The following PLXDC2 variants were observed in gnomAD, a reference collection of about 807,000 sequenced individuals.
PLXDC2 encodes plexin domain-containing protein 2.
Under a neutral mutation model 68.9 loss-of-function variants are expected in PLXDC2, and 40 were observed. The observed-to-expected ratio is 0.58, with a 90% CI of 0.45 to 0.76. The LOEUF (loss-of-function observed/expected upper bound fraction) is 0.76, where lower values mean the gene tolerates loss of function less well. PLXDC2 is among the 30% of genes least tolerant of loss of function. PLXDC2 has a pLI of 0.00. For missense variants in PLXDC2, 644 were observed against 661.9 expected (o/e 0.97, Z 0.30); for synonymous variants, 243 against 234.2 (o/e 1.04, Z -0.34).
At chr10:19,866,113 A>G (rs1837410946) in intron 1 of PLXDC2, among the ~76,000 whole-genome samples, 1 of 152,224 alleles carries the variant, frequency 6.6e-6, no homozygotes, top group Non-Finnish European at 1.5e-5. Context: ...GATTGAAAAC[A>G]AAGGAAATTA....
intron 1 of PLXDC2, among the ~76,000 whole-genome samples, chr10:19,921,131 C>T (rs7083520): frequency 0.73 from 106,147 of 145,632 alleles, 38,696 homozygotes; most frequent in African/African-American, 0.78. Context: ...TTTTTTTTGT[C>T]GCCCAGGGTG....
intron 1 of PLXDC2, among the ~76,000 whole-genome samples, chr10:19,933,730 A>C (rs1267242156): frequency 1.3e-5 from 2 of 151,906 alleles, no homozygotes; most frequent in Non-Finnish European, 2.9e-5. Context: ...AAAGGAAAAG[A>C]TAAGTTCTTT....
chr10:20,267,639 A>G lies in PLXDC2; in HGVS notation c.1474-12064A>G, dbSNP rs79535940. Among the ~76,000 whole-genome samples, 1,386 of 152,236 alleles carry G rather than the reference A, an allele frequency of 9.1e-3. 23 individuals carry two copies. The highest frequency in any genetic ancestry group is 0.032 in the African/African-American group (1,324 of 41,550). ...AGGGATTCCTTTATTTCCCACTCCT[A>G]CACAATTTTCTTGAGCTATTGTTAA... On this transcript the variant is annotated intron_variant, in intron 13 of 13. Coordinates refer to ENST00000377252, the MANE Select transcript of PLXDC2 (RefSeq NM_032812.9).
intron 3 of PLXDC2, among the ~76,000 whole-genome samples, chr10:20,057,970 T>A (rs1449844739): frequency 6.6e-6 from 1 of 152,134 alleles, no homozygotes; most frequent in Non-Finnish European, 1.5e-5. Context: ...TTGTAACTAT[T>A]CTTTCATTTG....
At chr10:20,174,270 A>C (rs1376852194) in intron 7 of PLXDC2, among the ~76,000 whole-genome samples, 1 of 151,914 alleles carries the variant, frequency 6.6e-6, no homozygotes, top group Non-Finnish European at 1.5e-5. Flanking sequence ...ATTTAGACAC[A>C]GACAGAAGAT....
At chr10:19,835,713 G>C (rs1836777362) in intron 1 of PLXDC2, among the ~76,000 whole-genome samples, 1 of 152,194 alleles carries the variant, frequency 6.6e-6, no homozygotes, top group South Asian at 2.1e-4. Flanking sequence ...GAGCCACCTA[G>C]AGTGAGAGGC....
intron 9 of PLXDC2, among the ~76,000 whole-genome samples, chr10:20,183,250 T>A (rs1834632103): frequency 6.6e-6 from 1 of 151,934 alleles, no homozygotes; most frequent in Non-Finnish European, 1.5e-5. Flanking sequence ...ATCATTATCA[T>A]ATAGATAGTG....
At chr10:20,057,200 G>T (rs1442979895) in intron 3 of PLXDC2, among the ~76,000 whole-genome samples, 3 of 152,054 alleles carry the variant, frequency 2.0e-5, no homozygotes, top group Non-Finnish European at 1.5e-5. Context: ...TCCTTTGAAA[G>T]AAAATGTTTC....
At chr10:19,989,547 T>G (rs1834710307) in intron 1 of PLXDC2, among the ~76,000 whole-genome samples, 1 of 152,180 alleles carries the variant, frequency 6.6e-6, no homozygotes, top group Admixed American at 6.5e-5. Context: ...CATGCATACC[T>G]GTATATTTGA....
At chr10:19,923,141 C>A (rs1833487164) in intron 1 of PLXDC2, among the ~76,000 whole-genome samples, 1 of 151,954 alleles carries the variant, frequency 6.6e-6, no homozygotes. Context: ...TTGTAAATTG[C>A]CAGCATTAAG....
intron 1 of PLXDC2, among the ~76,000 whole-genome samples, chr10:19,972,591 A>G (rs942601973): frequency 6.6e-6 from 1 of 152,162 alleles, no homozygotes; most frequent in Non-Finnish European, 1.5e-5. Context: ...CTCCCACGAT[A>G]AAAGTTGGAA....
At chr10:19,862,388 C>A (rs1209533631) in intron 1 of PLXDC2, among the ~76,000 whole-genome samples, 1 of 152,070 alleles carries the variant, frequency 6.6e-6, no homozygotes, top group Non-Finnish European at 1.5e-5. Flanking sequence ...CTTGTTTATT[C>A]ATTAAAAAAT....
intron 13 of PLXDC2, among the ~76,000 whole-genome samples, chr10:20,245,815 TCTC>T (rs1835586804): frequency 6.6e-6 from 1 of 152,156 alleles, no homozygotes; most frequent in African/African-American, 2.4e-5. Flanking sequence ...AACCAGCTGT[TCTC>T]CTTGTTCTAG....
chr10:20,135,520 G>C (rs74405455), intron 4 of PLXDC2, among the ~76,000 whole-genome samples: 5,958 of 152,264 alleles, frequency 0.039, 137 homozygotes, highest in African/African-American at 0.068. Context: ...TTTGTTGTTA[G>C]TTCAAAGTGA....
In PLXDC2 at chr10:20,144,121, G is replaced by T. The variant is rs140619773; in HGVS notation, c.664+704G>T. On this transcript the variant is annotated intron_variant, in intron 5 of 13. Transcript: ENST00000377252. The stretch of plus-strand genomic sequence containing the variant: ...TATTGAAAGCTGTAACTTTGGTAGA[G>T]AAAATAAATTATAGGTAACAAAGAG... Among the ~76,000 whole-genome samples, 86 of 152,164 alleles carry T rather than the reference G, an allele frequency of 5.7e-4. No homozygotes were observed. The East Asian group carries it at 0.016, about 28-fold the overall frequency.
At chr10:20,174,753 T>G (rs2131824181) in intron 7 of PLXDC2, among the ~76,000 whole-genome samples, 1 of 151,926 alleles carries the variant, frequency 6.6e-6, no homozygotes, top group East Asian at 1.9e-4. Context: ...GTAACAAACC[T>G]GCACATTGTG....
chr10:20,198,100 A>T (rs144836872), intron 9 of PLXDC2, among the ~76,000 whole-genome samples: 8 of 152,270 alleles, frequency 5.3e-5, no homozygotes, highest in Admixed American at 5.2e-4. Flanking sequence ...ATACTCCTTG[A>T]TCAGAGAACA....
chr10:19,895,329 A>G (rs1838039599), intron 1 of PLXDC2, among the ~76,000 whole-genome samples: 1 of 152,314 alleles, frequency 6.6e-6, no homozygotes, highest in Non-Finnish European at 1.5e-5. Flanking sequence ...ATGTTTCCAC[A>G]TTCTCCAGCA....
intron 3 of PLXDC2, among the ~76,000 whole-genome samples, chr10:20,057,996 A>T (rs542304538): frequency 1.9e-4 from 29 of 151,790 alleles, no homozygotes; most frequent in African/African-American, 5.6e-4. Context: ...ATTTCCAATA[A>T]TTTTTTTTTA....
Sources: allele counts gnomAD v4.1 joint callset (sites outside exome capture counted in the v4.1 genomes callset), GRCh38; gene constraint gnomAD v4.1.1; transcripts MANE v1.5; gene names NCBI Gene and HGNC (gene_info 2026-07-23, HGNC 2026-07-21).